The following ATP1A1 variants were observed in gnomAD, a reference collection of about 807,000 sequenced individuals.
The protein encoded by ATP1A1 is sodium/potassium-transporting ATPase subunit alpha-1.
ATP1A1 carries 14 observed loss-of-function variants against 114.8 expected under a neutral mutation model. The observed-to-expected ratio is 0.12, with a 90% CI of 0.08 to 0.19. ATP1A1 has a LOEUF of 0.19. Ranked by LOEUF, ATP1A1 falls within the 10% of genes least tolerant of loss-of-function variation. The pLI, the probability that ATP1A1 is intolerant of heterozygous loss-of-function variation, is 1.00. For missense variants in ATP1A1, 524 were observed against 1,290.7 expected, an observed-to-expected ratio of 0.41 and a Z score of 9.10; for synonymous variants, 471 against 466.3, an observed-to-expected ratio of 1.01 and a Z score of -0.13.
chr1:116,399,298 AT>A lies in ATP1A1; in HGVS notation c.2449-117del. The stretch of plus-strand genomic sequence containing the variant: ...ATTTGTTTATCAGATGGGAATCTTT[AT>A]TTTTGTATACTTCACCTAAAAGATT... On this transcript the variant is annotated intron_variant, in intron 17 of 22. Coordinates refer to ENST00000295598, the MANE Select transcript of ATP1A1 (RefSeq NM_000701.8). This position sits in a 1 kb window ranked among gnomAD's most constrained non-coding sequence, Gnocchi z 5.0. 1.4e-6 allele frequency: 2 copies of A among 1,431,738 alleles called. No individual in the cohort carries two copies. The highest frequency in any genetic ancestry group is 1.9e-6 in the Non-Finnish European group (2 of 1,054,592). The allele number at this position is 1,431,738 out of a possible 1,614,324, so 88.7% of individuals were successfully genotyped here. A position where few individuals can be genotyped will look rare whatever the true frequency, so the allele number is the denominator to read the frequency against.
intron 13 of ATP1A1, among the ~76,000 whole-genome samples, chr1:116,396,276 CTT>C (rs367825500): frequency 1.9e-4 from 20 of 102,606 alleles, no homozygotes; most frequent in Middle Eastern, 5.9e-3. Flanking sequence ...GATTTTTATC[CTT>C]TTTTTTTTTT....
chr1:116,377,196 A>C (rs1213778021), intron 1 of ATP1A1, among the ~76,000 whole-genome samples: 1 of 152,244 alleles, frequency 6.6e-6, no homozygotes, highest in Non-Finnish European at 1.5e-5. Flanking sequence ...TCAGTTTCTC[A>C]TCTGGCTTTT....
In ATP1A1 at chr1:116,398,973, C is replaced by T. The variant is rs1653167736; in HGVS notation, c.2337C>T (p.Thr779=). ...ACTTGAAGAAATCCATTGCTTATAC[C>T]TTAACCAGTAACATTCCCGAGATCA... ...FDNLKKSIAY[T]LTSNIPEITP... Residue 779 remains threonine, a synonymous_variant, in exon 17 of 23, where the codon ACC becomes ACT. Transcript: ENST00000295598. The surrounding 1 kb of genome is among the most constrained non-coding windows in gnomAD (Gnocchi z 6.1). The T allele has an allele frequency of 6.2e-7, 1 of 1,614,032 alleles. No individual in the cohort carries two copies. Among genetic ancestry groups the T allele is most frequent in the Admixed American group, 1.7e-5 (1 of 59,996 alleles).
chr1:116,389,299 C>T lies in ATP1A1; in HGVS notation c.755-140C>T. The T allele has an allele frequency of 8.8e-7, 1 of 1,132,886 alleles. No individual in the cohort carries two copies. The allele number at this position is 1,132,886 out of a possible 1,614,324, so 70.2% of individuals were successfully genotyped here. A position where few individuals can be genotyped will look rare whatever the true frequency, so the allele number is the denominator to read the frequency against. On this transcript the variant is annotated intron_variant, in intron 7 of 22. Transcript: ENST00000295598. This position sits in a 1 kb window ranked among gnomAD's most constrained non-coding sequence, Gnocchi z 6.9. The stretch of plus-strand genomic sequence containing the variant: ...AAGTCCCTTTGCCAAACAGCATGTA[C>T]AGCCAAAGAGCTGGCCCTTAAAAAG...
At chr1:116,374,408 C>T (rs958187809) in intron 1 of ATP1A1, among the ~76,000 whole-genome samples, 2 of 152,056 alleles carry the variant, frequency 1.3e-5, no homozygotes, top group African/African-American at 4.8e-5. Flanking sequence ...TACAAGAAAC[C>T]CGAAAAAGGA....
Position 116,404,533 on chromosome 1 carries a change from G to A in ATP1A1, c.*89G>A. 2.0e-6 allele frequency: 3 copies of A among 1,513,466 alleles called. No homozygotes were observed. Among genetic ancestry groups the A allele is most frequent in the Non-Finnish European group, 1.8e-6 (2 of 1,136,340 alleles). The allele number at this position is 1,513,466 out of a possible 1,614,324, so 93.8% of individuals were successfully genotyped here. A position where few individuals can be genotyped will look rare whatever the true frequency, so the allele number is the denominator to read the frequency against. On this transcript the variant is annotated 3_prime_UTR_variant, in exon 23 of 23. Coordinates refer to ENST00000295598, the MANE Select transcript of ATP1A1 (RefSeq NM_000701.8). The surrounding 1 kb of genome is among the most constrained non-coding windows in gnomAD (Gnocchi z 4.8). ...TTTGTGTACTTCAGTCTTGGAGTTTGGAACTCTACCCTGGTAGGAAAGCAC... is the reference window on the plus strand; with the variant it reads ...TTTGTGTACTTCAGTCTTGGAGTTTAGAACTCTACCCTGGTAGGAAAGCAC...
Position 116,397,390 on chromosome 1 carries a change from G to A in ATP1A1, c.1974-498G>A, listed in dbSNP as rs1653021160. 6.6e-6 allele frequency among the ~76,000 whole-genome samples: 1 copy of A among 152,064 alleles called. No individual in the cohort carries two copies. Among genetic ancestry groups the A allele is most frequent in the Non-Finnish European group, 1.5e-5 (1 of 68,010 alleles). On this transcript the variant is annotated intron_variant, in intron 14 of 22. Coordinates refer to ENST00000295598, the MANE Select transcript of ATP1A1 (RefSeq NM_000701.8). This position sits in a 1 kb window ranked among gnomAD's most constrained non-coding sequence, Gnocchi z 4.2. ...GTTGGAGTGCAGTGTCATGATCTTGGCTCACTGCAACCTCCACCTCCTGAG... is the reference window on the plus strand; with the variant it reads ...GTTGGAGTGCAGTGTCATGATCTTGACTCACTGCAACCTCCACCTCCTGAG...
chr1:116,374,288 T>C (rs1345137307), intron 1 of ATP1A1: 10 of 1,551,494 alleles, frequency 6.4e-6, no homozygotes, highest in Non-Finnish European at 8.7e-6. Context: ...AAACACAGGA[T>C]GCACCGATGG....
At chr1:116,392,707 C>G (rs1652564348) in intron 10 of ATP1A1, 147 bp from the exon 11 acceptor site, 1 of 950,994 alleles carries the variant, frequency 1.1e-6, no homozygotes, top group African/African-American at 1.7e-5. Context: ...GGACTCCTGT[C>G]CCACTTAACA....
Position 116,389,035 on chromosome 1 carries a change from G to T in ATP1A1, c.754+16G>T. ...TGTGTTGAAGGTAGGCCATTTTTGG[G>T]CACTTTGAGCATGGCGTGGTATTTC... On this transcript the variant is annotated intron_variant, in intron 7 of 22. Coordinates refer to ENST00000295598, the MANE Select transcript of ATP1A1 (RefSeq NM_000701.8). This position sits in a 1 kb window ranked among gnomAD's most constrained non-coding sequence, Gnocchi z 6.9. 6.3e-7 allele frequency: 1 copy of T among 1,596,190 alleles called. No homozygotes were observed. Among genetic ancestry groups the T allele is most frequent in the Non-Finnish European group, 8.6e-7 (1 of 1,164,164 alleles).
chr1:116,373,519 A>AG lies in ATP1A1; in HGVS notation c.12+1dup. On this transcript the variant is annotated frameshift_variant, in exon 1 of 23. Coordinates refer to ENST00000295598, the MANE Select transcript of ATP1A1 (RefSeq NM_000701.8). LOFTEE classifies it high-confidence loss of function. ...GCACTGAGCACCGCCACCATGGGGA[A>AG]GGGGGTGAGTGTCCGGCGCGCCCGG... is the stretch of plus-strand genomic sequence containing the variant. 1 of 1,437,000 alleles carries AG rather than the reference A, an allele frequency of 7.0e-7. No individual in the cohort carries two copies. Among genetic ancestry groups the AG allele is most frequent in the Non-Finnish European group, 9.1e-7 (1 of 1,092,972 alleles). 89.0% of individuals were successfully genotyped at this position (1,437,000 alleles called of 1,614,324 possible).
chr1:116,401,025 C>A lies in ATP1A1; in HGVS notation c.2718+19C>A, dbSNP rs756603589. 3 of 1,613,992 alleles carry A rather than the reference C, an allele frequency of 1.9e-6. No homozygotes were observed. In the Admixed American group the frequency reaches 5.0e-5, roughly 27 times the overall value. On this transcript the variant is annotated intron_variant, in intron 19 of 22. Transcript: ENST00000295598. This position sits in a 1 kb window ranked among gnomAD's most constrained non-coding sequence, Gnocchi z 4.7. ...GCAGTGGGTGAGTGGGCACCTCTGA[C>A]CTGACCAGTGTCAGAGCTCCTCAAG... is the stretch of plus-strand genomic sequence containing the variant.
intron 10 of ATP1A1, 26 bp from the exon 11 acceptor site, chr1:116,392,828 T>C (rs1652576324): frequency 6.3e-7 from 1 of 1,586,288 alleles, no homozygotes; most frequent in South Asian, 1.1e-5. Flanking sequence ...TTGGAGATAA[T>C]TTACAGATGA....
At chr1:116,392,724 C>T (rs2101050478) in intron 10 of ATP1A1, 130 bp from the exon 11 acceptor site, 2 of 1,145,362 alleles carry the variant, frequency 1.7e-6, no homozygotes, top group East Asian at 2.6e-5. Context: ...AACACCGCTG[C>T]TTCCTTCTTG....
rs1651957745 is a variant in ATP1A1, at chr1:116,384,609, T to C, written c.124-174T>C. Among the ~76,000 whole-genome samples the C allele has an allele frequency of 6.6e-6, 1 of 152,248 alleles. No individual in the cohort carries two copies. ...CCAGTGAAGAGCTGTCAATGATAAC[T>C]GTGTGGTTGCAAAGCCACAAAGCGA... On this transcript the variant is annotated intron_variant, in intron 2 of 22. Coordinates refer to ENST00000295598, the MANE Select transcript of ATP1A1 (RefSeq NM_000701.8). This position sits in a 1 kb window ranked among gnomAD's most constrained non-coding sequence, Gnocchi z 5.1.
At chr1:116,402,316 T>A (rs979567134) in intron 21 of ATP1A1, among the ~76,000 whole-genome samples, 14 of 152,228 alleles carry the variant, frequency 9.2e-5, no homozygotes, top group Non-Finnish European at 1.8e-4. Context: ...GTTAAGCAAC[T>A]GCAACTTGAT....
At chr1:116,402,998 T>C (rs952864422) in intron 21 of ATP1A1, among the ~76,000 whole-genome samples, 3 of 152,220 alleles carry the variant, frequency 2.0e-5, no homozygotes, top group African/African-American at 4.8e-5. Context: ...AAGATGGGGC[T>C]TGGAGAGGTC....
Position 116,399,672 on chromosome 1 carries a change from C to CG in ATP1A1, c.2572+131dup. 7.8e-7 allele frequency: 1 copy of CG among 1,282,462 alleles called. No homozygotes were observed. Among genetic ancestry groups the CG allele is most frequent in the Non-Finnish European group, 1.1e-6 (1 of 941,524 alleles). The allele number at this position is 1,282,462 out of a possible 1,614,324, so 79.4% of individuals were successfully genotyped here. On this transcript the variant is annotated intron_variant, in intron 18 of 22. Coordinates refer to ENST00000295598, the MANE Select transcript of ATP1A1 (RefSeq NM_000701.8). This position sits in a 1 kb window ranked among gnomAD's most constrained non-coding sequence, Gnocchi z 5.0. ...CTTTCAGGTCTAGGATGAGCCCTAA[C>CG]GGAGTGAGCCTGTGGAGTTTCTCTG...
At chr1:116,386,850 T>C (rs571860432) in intron 3 of ATP1A1, among the ~76,000 whole-genome samples, 49 of 152,240 alleles carry the variant, frequency 3.2e-4, no homozygotes, top group Non-Finnish European at 6.2e-4. Context: ...TTTTTTCTCC[T>C]TTGATGTTTG....
Sources: gnomAD v4.1 joint callset for allele counts (sites outside exome capture counted in the v4.1 genomes callset) on GRCh38, gnomAD v4.1.1 for gene constraint, Gnocchi (gnomAD v3.1) non-coding constraint, MANE v1.5 for transcripts, NCBI Gene and HGNC (gene_info 2026-07-23, HGNC 2026-07-21) for gene names.